The following ALPL variants were observed in gnomAD, a reference collection of about 807,000 sequenced individuals.
ALPL encodes alkaline phosphatase, biomineralization associated.
ALPL carries 42 observed loss-of-function variants against 51.3 expected under a neutral mutation model. The observed-to-expected ratio is 0.82, with a 90% CI of 0.64 to 1.06. ALPL has a LOEUF of 1.06. Among genes scored for constraint, ALPL ranks in the 50% least tolerant of loss-of-function variants. The pLI, the probability that ALPL is intolerant of heterozygous loss-of-function variation, is 0.00. For synonymous variants in ALPL, 279 were observed against 296.4 expected (o/e 0.94, Z 0.60); for missense variants, 589 against 709.4 (o/e 0.83, Z 1.93).
At chr1:21,528,342 G>GTTTTT in intron 1 of ALPL, among the ~76,000 whole-genome samples, 1 of 111,944 alleles carries the variant, frequency 8.9e-6, no homozygotes, top group Non-Finnish European at 1.8e-5. Context: ...GACCTATTCA[G>GTTTTT]TTTTTTTTTT....
At chr1:21,552,726 A>G (rs1644349205) in intron 1 of ALPL, among the ~76,000 whole-genome samples, 1 of 152,048 alleles carries the variant, frequency 6.6e-6, no homozygotes, top group Non-Finnish European at 1.5e-5. Flanking sequence ...TTTTTTCTTT[A>G]AACAACTTTT....
At chr1:21,554,800 TCTGTCTGTCTG>T (rs1558543728) in intron 2 of ALPL, among the ~76,000 whole-genome samples, 237 of 36,998 alleles carry the variant, frequency 6.4e-3, no homozygotes, top group Middle Eastern at 0.031. Context: ...TGTCTGTCTG[TCTGTCTGTCTG>T]TCTGTCTTTC....
At chr1:21,528,086 T>A (rs1360147675) in intron 1 of ALPL, among the ~76,000 whole-genome samples, 1 of 151,778 alleles carries the variant, frequency 6.6e-6, no homozygotes, top group African/African-American at 2.4e-5. Flanking sequence ...AGTGGCACGA[T>A]CACTGCTCAT....
At chr1:21,509,378 G>A (rs1299459358), upstream of ALPL, 1 of 150,352 alleles carries the variant, frequency 6.7e-6, no homozygotes, top group Non-Finnish European at 1.5e-5. The surrounding 1 kb of genome is among the most constrained non-coding windows in gnomAD (Gnocchi z 6.0). Context: ...GGCCTCACTC[G>A]GGCCCCGCGG....
chr1:21,553,890 G>A, intron 1 of ALPL, 88 bp from the exon 2 acceptor site: 1 of 635,082 alleles, frequency 1.6e-6, no homozygotes. Context: ...AATACTTGTT[G>A]AATGAATCAA....
Position 21,563,248 on chromosome 1 carries a change from G to A in ALPL, c.436G>A (p.Glu146Lys), listed in dbSNP as rs138587317. ...RSRCNTTQGN[E>K]VTSILRWAKD... is the part of the protein sequence containing the mutation. ...CCGGTGCAACACCACCCAGGGGAAC[G>A]AGGTCACCTCCATCCTGCGCTGGGC... The change falls in exon 5 of 12, where the codon GAG (glutamate) becomes AAG (lysine). Residue 146 changes from glutamate (E) to lysine (K), a missense_variant. Transcript: ENST00000374840. 2.1e-4 allele frequency: 338 copies of A among 1,613,516 alleles called. 1 individual carries two copies. Among genetic ancestry groups the A allele is most frequent in the Non-Finnish European group, 2.8e-4 (326 of 1,179,848 alleles).
At chr1:21,514,997 G>A (rs752298625) in intron 1 of ALPL, among the ~76,000 whole-genome samples, 10 of 152,074 alleles carry the variant, frequency 6.6e-5, no homozygotes, top group South Asian at 2.1e-4. Flanking sequence ...AAATAAGGCC[G>A]TGGAGACCCT....
Position 21,563,173 on chromosome 1 carries a change from G to T in ALPL, c.361G>T (p.Val121Leu). The change falls in exon 5 of 12, where the codon GTG becomes TTG. Residue 121 changes from valine to leucine, a missense_variant. Physicochemically the swap from Val to Leu is conservative, Grantham distance 32. Coordinates refer to ENST00000374840, the MANE Select transcript of ALPL (RefSeq NM_000478.6). ...CACCGCCACCGCCTACCTGTGTGGG[G>T]TGAAGGCCAATGAGGGCACCGTGGG... is the stretch of plus-strand genomic sequence containing the variant. ...AGTATAYLCG[V>L]KANEGTVGVS... 6.2e-7 allele frequency: 1 copy of T among 1,613,936 alleles called. No individual in the cohort carries two copies. Among genetic ancestry groups the T allele is most frequent in the East Asian group, 2.2e-5 (1 of 44,888 alleles).
intron 1 of ALPL, among the ~76,000 whole-genome samples, chr1:21,512,733 C>G (rs765324572): frequency 9.9e-5 from 15 of 152,078 alleles, no homozygotes; most frequent in African/African-American, 2.9e-4. Context: ...AGCTCCCAAC[C>G]CCCCCGCCAA....
intron 1 of ALPL, among the ~76,000 whole-genome samples, chr1:21,538,447 ACACCC>A (rs1644138879): frequency 6.6e-6 from 1 of 152,128 alleles, no homozygotes; most frequent in South Asian, 2.1e-4. Context: ...GTCTCTGGGA[ACACCC>A]GCGTCCTTCC....
At position 21,573,705 on chromosome 1, in the gene ALPL, G is replaced by A. The variant is rs749112407; in HGVS notation, c.903G>A (p.Arg301=). ...GGGACATGCAGTACGAGCTGAACAG[G>A]AACAACGTGACGGACCCGTCACTCT... ...EPGDMQYELN[R]NNVTDPSLSE... The change falls in exon 9 of 12, where the codon AGG becomes AGA. Residue 301 remains arginine, a synonymous_variant. Coordinates refer to ENST00000374840, the MANE Select transcript of ALPL (RefSeq NM_000478.6). 6.2e-7 allele frequency: 1 copy of A among 1,614,034 alleles called. No individual in the cohort carries two copies. Among genetic ancestry groups the A allele is most frequent in the Non-Finnish European group, 8.5e-7 (1 of 1,179,992 alleles).
intron 4 of ALPL, among the ~76,000 whole-genome samples, chr1:21,562,436 T>C (rs770314719): frequency 9.9e-5 from 15 of 152,110 alleles, no homozygotes; most frequent in Non-Finnish European, 1.6e-4. Flanking sequence ...TTGGTGGTGG[T>C]GATAGTGGTG....
intron 1 of ALPL, among the ~76,000 whole-genome samples, chr1:21,511,937 A>G (rs1466825807): frequency 6.6e-6 from 1 of 152,210 alleles, no homozygotes; most frequent in East Asian, 1.9e-4. Context: ...AAATCTAGCA[A>G]TCTCCATGCT....
intron 1 of ALPL, among the ~76,000 whole-genome samples, chr1:21,522,380 G>T (rs1460876399): frequency 6.6e-6 from 1 of 152,156 alleles, no homozygotes; most frequent in African/African-American, 2.4e-5. Context: ...GGCCAGGTTT[G>T]TTTAAAATAT....
Position 21,573,434 on chromosome 1 carries a change from CT to C in ALPL, c.863-230del, listed in dbSNP as rs1237837950. On this transcript the variant is annotated intron_variant, in intron 8 of 11. Transcript: ENST00000374840. ...CCTGGACAACAGAGTGAGACTCTGT[CT>C]CAAAAAAAAAAAAGAAAAGAAAAGA... Among the ~76,000 whole-genome samples, 234 of 133,638 alleles carry C rather than the reference CT, an allele frequency of 1.8e-3. 2 individuals are homozygous for C. The highest frequency in any genetic ancestry group is 1.0e-3 in the Non-Finnish European group (68 of 64,894). 87.7% of individuals were successfully genotyped at this position (133,638 alleles called of 152,430 possible). A position where few individuals can be genotyped will look rare whatever the true frequency, so the allele number is the denominator to read the frequency against.
At chr1:21,524,513 A>C (rs1643916853) in intron 1 of ALPL, among the ~76,000 whole-genome samples, 1 of 152,112 alleles carries the variant, frequency 6.6e-6, no homozygotes, top group Non-Finnish European at 1.5e-5. Flanking sequence ...AAAAAATATA[A>C]GAAAAAAAAA....
chr1:21,529,969 T>A lies in ALPL; in HGVS notation c.-105+20452T>A, dbSNP rs1644006449. ...TTTGTATTTTTTGTAGAGATGGAGT[T>A]TCATTGTGTTGCCCAGGCTGGTCTC... On this transcript the variant is annotated intron_variant, in intron 1 of 11. Coordinates refer to ENST00000374840, the MANE Select transcript of ALPL (RefSeq NM_000478.6). 2.0e-5 allele frequency among the ~76,000 whole-genome samples: 3 copies of A among 152,108 alleles called. No individual in the cohort carries two copies. In the South Asian group the frequency reaches 6.2e-4, roughly 32 times the overall value.
chr1:21,548,114 G>T, intron 1 of ALPL, among the ~76,000 whole-genome samples: 1 of 152,216 alleles, frequency 6.6e-6, no homozygotes, highest in African/African-American at 2.4e-5. Context: ...AGGGAGGGAG[G>T]GGGTGGCGAT....
At chr1:21,576,734 G>A (rs987982291) in intron 11 of ALPL, 93 bp downstream of exon 11, 1 of 1,557,124 alleles carries the variant, frequency 6.4e-7, no homozygotes, top group Non-Finnish European at 8.8e-7. Context: ...CAAGGTCAGG[G>A]GTCTCAGAAT....
Sources: gnomAD v4.1 joint callset for allele counts (sites outside exome capture counted in the v4.1 genomes callset) on GRCh38, gnomAD v4.1.1 for gene constraint, Gnocchi (gnomAD v3.1) non-coding constraint, MANE v1.5 for transcripts, NCBI Gene and HGNC (gene_info 2026-07-23, HGNC 2026-07-21) for gene names.